Variants in CYP4F22 observed in about 807,000 individuals in gnomAD.
CYP4F22 encodes the protein ultra-long-chain fatty acid omega-hydroxylase.
A neutral mutation model predicts 60.4 loss-of-function variants in CYP4F22; 37 were observed. The observed-to-expected ratio is 0.61, with a 90% CI of 0.47 to 0.81. CYP4F22 has a LOEUF of 0.81. CYP4F22 is among the 30% of genes least tolerant of loss of function. The pLI is 0.00. For missense variants in CYP4F22, 655 were observed against 715.0 expected (o/e 0.92, Z 0.96); for synonymous variants, 258 against 280.5 (o/e 0.92, Z 0.80).
rs919294450 is a variant in CYP4F22 at position 15,551,593 on chromosome 19, G to T, written c.*122G>T. The T allele has an allele frequency of 7.3e-6, 9 of 1,238,356 alleles. No individual in the cohort carries two copies. Among genetic ancestry groups the T allele is most frequent in the Non-Finnish European group, 1.0e-5 (9 of 900,880 alleles). 76.7% of individuals were successfully genotyped at this position (1,238,356 alleles called of 1,614,324 possible). On this transcript the variant is annotated 3_prime_UTR_variant, in exon 14 of 14. Coordinates refer to ENST00000269703, the MANE Select transcript of CYP4F22 (RefSeq NM_173483.4). ...CGAAGTTCAGGTTCAGCTCCTGGAT[G>T]ACCAGGCACCGCTGTTGAGCAGCCT...
At chr19:15,542,588 C>T (rs1009935637) in intron 8 of CYP4F22, among the ~76,000 whole-genome samples, 6 of 151,994 alleles carry the variant, frequency 3.9e-5, no homozygotes, top group Non-Finnish European at 8.8e-5. Flanking sequence ...GTGTGTAGGG[C>T]GTGCAGGTTT....
At chr19:15,537,087 T>C (rs139669389) in intron 4 of CYP4F22, among the ~76,000 whole-genome samples, 7 of 152,148 alleles carry the variant, frequency 4.6e-5, no homozygotes, top group African/African-American at 1.7e-4. Context: ...TCACTTGAGG[T>C]TAGGAGTTCG....
chr19:15,550,815 A>G (rs932599387), intron 13 of CYP4F22, 59 bp downstream of exon 13: 8 of 1,590,740 alleles, frequency 5.0e-6, no homozygotes, highest in Non-Finnish European at 6.9e-6. Context: ...GCAGGGAAAG[A>G]TCAGGAATGT....
chr19:15,522,654 G>A (rs1327437108), intron 1 of CYP4F22, among the ~76,000 whole-genome samples: 2 of 151,956 alleles, frequency 1.3e-5, no homozygotes, highest in Admixed American at 6.6e-5. Flanking sequence ...TCACTATTTA[G>A]CCTGCGTGAT....
At position 15,537,900 on chromosome 19, in the gene CYP4F22, C is replaced by T. The variant is rs539896338; in HGVS notation, c.578C>T (p.Ser193Leu). Reference protein sequence around the residue: ...HAKWRHLAEGSAVSLDMFEHI... With the variant: ...HAKWRHLAEGLAVSLDMFEHI... ...AAATGGCGGCATCTGGCAGAGGGCTCAGCGGTCTCCCTTGATATGTTTGAG... is the reference window on the plus strand; with the variant it reads ...AAATGGCGGCATCTGGCAGAGGGCTTAGCGGTCTCCCTTGATATGTTTGAG... Residue 193 changes from serine (S) to leucine (L), a missense_variant, in exon 7 of 14, where the codon TCA becomes TTA. Coordinates refer to ENST00000269703, the MANE Select transcript of CYP4F22 (RefSeq NM_173483.4). 10 of 1,614,102 alleles carry T rather than the reference C, an allele frequency of 6.2e-6. No homozygotes were observed. In the Admixed American group the frequency reaches 1.0e-4, roughly 16 times the overall value.
chr19:15,513,699 C>T (rs1971121437), intron 1 of CYP4F22, among the ~76,000 whole-genome samples: 1 of 152,202 alleles, frequency 6.6e-6, no homozygotes, highest in South Asian at 2.1e-4. Flanking sequence ...TGGTGTTTCA[C>T]CGTGTTGTCC....
chr19:15,546,759 C>CT (rs1568363540), intron 10 of CYP4F22, among the ~76,000 whole-genome samples: 1 of 151,362 alleles, frequency 6.6e-6, no homozygotes, highest in Admixed American at 6.6e-5. Context: ...TTCTTTCTTT[C>CT]TTTTTTTGAG....
chr19:15,550,980 C>T (rs1323936445), intron 13 of CYP4F22, among the ~76,000 whole-genome samples: 2 of 152,128 alleles, frequency 1.3e-5, no homozygotes, highest in African/African-American at 4.8e-5. Context: ...GTTCTGGGCT[C>T]CCACGCTCCC....
intron 3 of CYP4F22, 79 bp downstream of exon 3, chr19:15,525,637 G>A: frequency 2.2e-6 from 3 of 1,344,080 alleles, no homozygotes; most frequent in Non-Finnish European, 3.1e-6. Flanking sequence ...GGGCCTGCTG[G>A]CTTCCCACAG....
chr19:15,509,858 TTC>T lies in CYP4F22; in HGVS notation c.-109+1276_-109+1277del, dbSNP rs1971062532. 5.0e-5 allele frequency among the ~76,000 whole-genome samples: 3 copies of T among 59,920 alleles called. No individual in the cohort carries two copies. In the Admixed American group the frequency reaches 5.9e-4, roughly 12 times the overall value. The allele number at this position is 59,920 out of a possible 152,430, so 39.3% of individuals were successfully genotyped here. A position where few individuals can be genotyped will look rare whatever the true frequency, so the allele number is the denominator to read the frequency against. On this transcript the variant is annotated intron_variant, in intron 1 of 13. Coordinates refer to ENST00000269703, the MANE Select transcript of CYP4F22 (RefSeq NM_173483.4). ...TTCAGGGAATGGGACCCATCTCTCC[TTC>T]CTTCCTTCCTTCCTTCCTTCCTTCC... is the stretch of plus-strand genomic sequence containing the variant.
intron 1 of CYP4F22, among the ~76,000 whole-genome samples, chr19:15,510,445 G>C (rs911483937): frequency 6.6e-6 from 1 of 152,142 alleles, no homozygotes; most frequent in African/African-American, 2.4e-5. Flanking sequence ...GGTAAATAGG[G>C]CTTCTGTCTT....
chr19:15,541,667 G>A (rs1971463970), intron 8 of CYP4F22, among the ~76,000 whole-genome samples: 2 of 151,426 alleles, frequency 1.3e-5, no homozygotes, highest in Non-Finnish European at 2.9e-5. Flanking sequence ...GATCACTTGA[G>A]GTCAGGAATT....
chr19:15,527,194 C>T (rs568270518), intron 3 of CYP4F22, among the ~76,000 whole-genome samples: 4 of 152,232 alleles, frequency 2.6e-5, no homozygotes, highest in Non-Finnish European at 4.4e-5. Flanking sequence ...CCCTTCGGTC[C>T]GTCTCCCATC....
At position 15,536,041 on chromosome 19, in the gene CYP4F22, A is replaced by C. The variant is rs533503306; in HGVS notation, c.368-1320A>C. Among the ~76,000 whole-genome samples, 63 of 152,294 alleles carry C rather than the reference A, an allele frequency of 4.1e-4. 1 individual carries two copies. The highest frequency in any genetic ancestry group is 1.4e-3 in the African/African-American group (60 of 41,578). On this transcript the variant is annotated intron_variant, in intron 4 of 13. Transcript: ENST00000269703. ...CACGTGGTCTTTTTAAGGAGCTGAGAAAAGTTCTGTGGTGTGGCCGGGCAT... is the reference window on the plus strand; with the variant it reads ...CACGTGGTCTTTTTAAGGAGCTGAGCAAAGTTCTGTGGTGTGGCCGGGCAT...
At chr19:15,538,120 T>C (rs1236466779) in intron 7 of CYP4F22, 127 bp downstream of exon 7, 1 of 1,325,288 alleles carries the variant, frequency 7.5e-7, no homozygotes, top group Non-Finnish European at 1.1e-6. Context: ...ATGGGCCATG[T>C]GCTTCCGGGA....
chr19:15,530,382 G>T (rs935745818), intron 4 of CYP4F22, among the ~76,000 whole-genome samples: 2 of 152,084 alleles, frequency 1.3e-5, no homozygotes, highest in Non-Finnish European at 2.9e-5. Flanking sequence ...AGCTCCAATG[G>T]CCGCCTCCTC....
At chr19:15,536,137 A>C (rs1277543064) in intron 4 of CYP4F22, among the ~76,000 whole-genome samples, 5 of 151,944 alleles carry the variant, frequency 3.3e-5, no homozygotes, top group African/African-American at 1.2e-4. Flanking sequence ...TCAGGAGTTC[A>C]AGACCAGCCT....
Position 15,551,323 on chromosome 19 carries a change from C to T in CYP4F22, c.1448C>T (p.Ala483Val). ...RNCIGQSFAM[A>V]ELRVVVALTL... ...TGCATCGGACAGAGCTTCGCCATGG[C>T]CGAGTTGCGCGTGGTTGTGGCACTA... The change falls in exon 14 of 14, where the codon GCC becomes GTC. Residue 483 changes from alanine (A) to valine (V), a missense_variant. Ala to Val is a moderately conservative substitution (Grantham distance 64). This residue lies in a region of CYP4F22 where 151 missense variants were observed against 139.4 expected (regional missense o/e 1.08). Transcript: ENST00000269703. The T allele has an allele frequency of 1.9e-6, 3 of 1,613,336 alleles. No homozygotes were observed. Among genetic ancestry groups the T allele is most frequent in the Non-Finnish European group, 2.5e-6 (3 of 1,179,672 alleles).
intron 1 of CYP4F22, among the ~76,000 whole-genome samples, chr19:15,518,151 A>G (rs186857980): frequency 2.6e-5 from 4 of 152,248 alleles, no homozygotes; most frequent in Middle Eastern, 3.4e-3. Flanking sequence ...AGCCTGGACA[A>G]CATAGCCAGA....
Sources: allele counts gnomAD v4.1 joint callset (sites outside exome capture counted in the v4.1 genomes callset), GRCh38; gene constraint gnomAD v4.1.1; regional missense constraint gnomAD v4.1.1; transcripts MANE v1.5; gene names NCBI Gene and HGNC (gene_info 2026-07-23, HGNC 2026-07-21).